Variants in FOXN1 observed in about 807,000 individuals in gnomAD.
FOXN1 encodes forkhead box N1.
Under a neutral mutation model 49.0 loss-of-function variants are expected in FOXN1, and 15 were observed. That is an observed-to-expected ratio of 0.31 (90% confidence interval 0.20 to 0.47). The LOEUF (loss-of-function observed/expected upper bound fraction) is 0.47, where lower values mean the gene tolerates loss of function less well. Among genes scored for constraint, FOXN1 ranks in the 20% least tolerant of loss-of-function variants. FOXN1 has a pLI of 1.00. For missense variants in FOXN1, 800 were observed against 842.8 expected (o/e 0.95, Z 0.63); for synonymous variants, 356 against 369.0 (o/e 0.96, Z 0.40).
At chr17:28,523,681 C>A (rs2069688860) in intron 1 of FOXN1, among the ~76,000 whole-genome samples, 1 of 152,182 alleles carries the variant, frequency 6.6e-6, no homozygotes, top group Admixed American at 6.5e-5. Context: ...TGAGATCAGC[C>A]AAGCCCCTCC....
chr17:28,530,390 G>A (rs1025387414), intron 5 of FOXN1, among the ~76,000 whole-genome samples: 2 of 152,136 alleles, frequency 1.3e-5, no homozygotes, highest in South Asian at 2.1e-4. Flanking sequence ...GACAGCTTCC[G>A]TTTAATGAGT....
intron 4 of FOXN1, 115 bp downstream of exon 4, chr17:28,527,476 AC>A: frequency 1.4e-6 from 1 of 721,108 alleles, no homozygotes; most frequent in East Asian, 2.7e-5. Context: ...GCAGATAAGG[AC>A]AGCAGGGCCC....
At chr17:28,535,610 G>A (rs1011710777) in intron 8 of FOXN1, among the ~76,000 whole-genome samples, 3 of 152,186 alleles carry the variant, frequency 2.0e-5, no homozygotes, top group African/African-American at 7.2e-5. Flanking sequence ...AATTAGCTGG[G>A]CATGGTGGCA....
chr17:28,529,515 T>G (rs2069856285), intron 5 of FOXN1, among the ~76,000 whole-genome samples: 1 of 152,158 alleles, frequency 6.6e-6, no homozygotes, highest in Non-Finnish European at 1.5e-5. Flanking sequence ...GCCCAGGGCC[T>G]GGATCTGAGA....
Position 28,534,195 on chromosome 17 carries a change from A to C in FOXN1, c.928-136A>C, listed in dbSNP as rs574615286. ...GGTACCAAGCAAGGGATGGGTGCTG[A>C]GGAGGACAACAAGCCCCAGAGTGGG... On this transcript the variant is annotated intron_variant, in intron 6 of 8. Coordinates refer to ENST00000579795, the MANE Select transcript of FOXN1 (RefSeq NM_001369369.1). This position sits in a 1 kb window ranked among gnomAD's most constrained non-coding sequence, Gnocchi z 4.1. The C allele has an allele frequency of 1.6e-6, 2 of 1,259,964 alleles. No homozygotes were observed. Among genetic ancestry groups the C allele is most frequent in the African/African-American group, 2.9e-5 (2 of 67,962 alleles). The allele number at this position is 1,259,964 out of a possible 1,614,324, so 78.0% of individuals were successfully genotyped here.
In FOXN1 at chr17:28,518,050, G is replaced by A. The variant is rs1178116116; in HGVS notation, c.-14-5906G>A. Among the ~76,000 whole-genome samples, 4 of 136,606 alleles carry A rather than the reference G, an allele frequency of 2.9e-5. No homozygotes were observed. The South Asian group carries it at 9.5e-4, about 33-fold the overall frequency. 89.6% of individuals were successfully genotyped at this position (136,606 alleles called of 152,430 possible). ...TCCACAGGATACACACCTCCACAGG[G>A]TACACACCTCCACAGGATACACACC... On this transcript the variant is annotated intron_variant, in intron 1 of 8. Transcript: ENST00000579795.
Position 28,530,795 on chromosome 17 carries a change from C to A in FOXN1, c.877C>A (p.Pro293Thr). The A allele has an allele frequency of 6.2e-7, 1 of 1,602,096 alleles. No homozygotes were observed. Among genetic ancestry groups the A allele is most frequent in the Non-Finnish European group, 8.5e-7 (1 of 1,173,726 alleles). The change falls in exon 6 of 9, where the codon CCC (proline) becomes ACC (threonine). Residue 293 changes from proline (P) to threonine (T), a missense_variant. Around this residue, in one of 3 missense-constraint regions of FOXN1, gnomAD observed 73 missense variants for 118.9 expected, o/e 0.61. Transcript: ENST00000579795. ...TAAGAACAGTAAAACTGGGAGCCTTCCCGTCAGCGAGATCTACAATTTTAT... is the reference window on the plus strand; with the variant it reads ...TAAGAACAGTAAAACTGGGAGCCTTACCGTCAGCGAGATCTACAATTTTAT... ...ALKNSKTGSL[P>T]VSEIYNFMTE...
At position 28,524,609 on chromosome 17, in the gene FOXN1, A is replaced by G. The variant is rs1330775157; in HGVS notation, c.230A>G (p.Gln77Arg). 6.2e-7 allele frequency: 1 copy of G among 1,613,568 alleles called. No homozygotes were observed. Among genetic ancestry groups the G allele is most frequent in the Admixed American group, 1.7e-5 (1 of 60,030 alleles). The change falls in exon 3 of 9, where the codon CAA (glutamine) becomes CGA (arginine). Residue 77 changes from glutamine to arginine, a missense_variant. Coordinates refer to ENST00000579795, the MANE Select transcript of FOXN1 (RefSeq NM_001369369.1). The stretch of plus-strand genomic sequence containing the variant: ...CGCATTGCGTCACCAGGGCCCGAGC[A>G]AGTCCAGGGCCACTGCCCAGCCGGC... The part of the protein sequence containing the change: ...SPRIASPGPE[Q>R]VQGHCPAGPG...
intron 1 of FOXN1, among the ~76,000 whole-genome samples, chr17:28,511,265 GTAT>G (rs1343110995): frequency 6.6e-6 from 1 of 152,212 alleles, no homozygotes; most frequent in Admixed American, 6.5e-5. Flanking sequence ...TACTAAATCT[GTAT>G]TATTAGTAGT....
intron 1 of FOXN1, among the ~76,000 whole-genome samples, chr17:28,509,795 G>C (rs7503430): frequency 0.45 from 67,911 of 152,124 alleles, 16,414 homozygotes; most frequent in African/African-American, 0.64. Flanking sequence ...GCCGGGGCAG[G>C]CTTTCTCAGG....
Position 28,527,348 on chromosome 17 carries a change from C to T in FOXN1, c.686C>T (p.Pro229Leu). The T allele has an allele frequency of 6.2e-7, 1 of 1,609,856 alleles. No individual in the cohort carries two copies. The highest frequency in any genetic ancestry group is 1.3e-5 in the African/African-American group (1 of 74,930). The change falls in exon 4 of 9, where the codon CCC (proline) becomes CTC (leucine). Residue 229 changes from proline to leucine, a missense_variant. Physicochemically the swap from Pro to Leu is moderately conservative, Grantham distance 98. Around this residue, in one of 3 missense-constraint regions of FOXN1, gnomAD observed 383 missense variants for 357.9 expected, o/e 1.07. Transcript: ENST00000579795. ...PLQHMYCSSQ[P>L]PFHQYSPGGG... The stretch of plus-strand genomic sequence containing the variant: ...CAGCATATGTACTGCTCCTCCCAGC[C>T]CCCCTTCCACCAGGTGGGTCTGGGG...
At chr17:28,509,804 G>A (rs1351728123) in intron 1 of FOXN1, among the ~76,000 whole-genome samples, 7 of 152,244 alleles carry the variant, frequency 4.6e-5, no homozygotes, top group Non-Finnish European at 8.8e-5. Context: ...GGCTTTCTCA[G>A]GGGGCTGGGA....
At chr17:28,506,996 C>T (rs998300646) in intron 1 of FOXN1, among the ~76,000 whole-genome samples, 1 of 152,200 alleles carries the variant, frequency 6.6e-6, no homozygotes, top group African/African-American at 2.4e-5. Flanking sequence ...GGAGATGGTG[C>T]ACCTTGTGGC....
chr17:28,519,367 C>T (rs1374869347), intron 1 of FOXN1, among the ~76,000 whole-genome samples: 1 of 151,918 alleles, frequency 6.6e-6, no homozygotes, highest in East Asian at 1.9e-4. Flanking sequence ...TCAGAGTGCA[C>T]TGCAGATGTG....
At chr17:28,507,458 C>T (rs1389527650) in intron 1 of FOXN1, among the ~76,000 whole-genome samples, 1 of 152,198 alleles carries the variant, frequency 6.6e-6, no homozygotes, top group East Asian at 1.9e-4. Flanking sequence ...GGAAGGGACC[C>T]GGGCGGAGGG....
rs1482700012 is a variant in FOXN1, at chr17:28,527,345, A to G, written c.683A>G (p.Gln228Arg). 1.4e-5 allele frequency: 22 copies of G among 1,611,352 alleles called. No homozygotes were observed. In the Admixed American group the frequency reaches 3.7e-4, roughly 27 times the overall value. ...PPLQHMYCSS[Q>R]PPFHQYSPGG... ...TTGCAGCATATGTACTGCTCCTCCC[A>G]GCCCCCCTTCCACCAGGTGGGTCTG... The change falls in exon 4 of 9, where the codon CAG becomes CGG. Residue 228 changes from glutamine to arginine, a missense_variant. By Grantham distance (43) the Gln-to-Arg change is conservative. This residue lies in a region of FOXN1 where 383 missense variants were observed against 357.9 expected (regional missense o/e 1.07). Coordinates refer to ENST00000579795, the MANE Select transcript of FOXN1 (RefSeq NM_001369369.1).
In FOXN1 at chr17:28,534,152, C is replaced by T. The variant is rs576277694; in HGVS notation, c.928-179C>T. Among the ~76,000 whole-genome samples, 9 of 152,270 alleles carry T rather than the reference C, an allele frequency of 5.9e-5. No individual in the cohort carries two copies. The South Asian group carries it at 6.2e-4, about 11-fold the overall frequency. On this transcript the variant is annotated intron_variant, in intron 6 of 8. Coordinates refer to ENST00000579795, the MANE Select transcript of FOXN1 (RefSeq NM_001369369.1). The surrounding 1 kb of genome is among the most constrained non-coding windows in gnomAD (Gnocchi z 4.1). Reference sequence around the variant, plus strand: ...CTTGGGGTCAAGGTTCCTGTTCACCCGTCCCCTACCACCAAAGGGTACCAA... The same window carrying T: ...CTTGGGGTCAAGGTTCCTGTTCACCTGTCCCCTACCACCAAAGGGTACCAA...
intron 1 of FOXN1, among the ~76,000 whole-genome samples, chr17:28,511,743 G>A (rs1169372907): frequency 6.6e-6 from 1 of 152,160 alleles, no homozygotes; most frequent in East Asian, 1.9e-4. Context: ...CGAGAGCAGA[G>A]CTGGGAAAGG....
At chr17:28,516,329 GTACACACCTCCACAGGT>G (rs1338484779) in intron 1 of FOXN1, among the ~76,000 whole-genome samples, 2 of 146,028 alleles carry the variant, frequency 1.4e-5, no homozygotes, top group Middle Eastern at 3.9e-3. Context: ...CCTCCACAAG[GTACACACCTCCACAGGT>G]TACACACCTC....
Sources: allele counts gnomAD v4.1 joint callset (sites outside exome capture counted in the v4.1 genomes callset), GRCh38; gene constraint gnomAD v4.1.1; regional missense constraint gnomAD v4.1.1; non-coding constraint Gnocchi (gnomAD v3.1); transcripts MANE v1.5; gene names NCBI Gene and HGNC (gene_info 2026-07-23, HGNC 2026-07-21).